The following STKLD1 variants were observed in gnomAD, a reference collection of about 807,000 sequenced individuals.
The protein encoded by STKLD1 is serine/threonine kinase like domain containing 1, also known as serine/threonine kinase-like domain-containing protein STKLD1.
Under a neutral mutation model 80.4 loss-of-function variants are expected in STKLD1, and 79 were observed. The ratio of observed to expected loss-of-function variants is 0.98; its 90% CI spans 0.82 to 1.19. STKLD1 has a LOEUF of 1.19. Ranked by LOEUF, STKLD1 falls within the 50% of genes most tolerant of loss-of-function variation. The pLI is 0.00. For missense variants in STKLD1, 841 were observed against 856.0 expected, an observed-to-expected ratio of 0.98 and a Z score of 0.22; for synonymous variants, 393 against 357.6, an observed-to-expected ratio of 1.10 and a Z score of -1.12.
chr9:133,403,137 G>A (rs782131483), intron 14 of STKLD1, 125 bp downstream of exon 14: 16 of 1,007,934 alleles, frequency 1.6e-5, no homozygotes, highest in South Asian at 3.8e-5. Context: ...GCCATAGTCC[G>A]GGAAAGGCTC....
rs2130279606 is a variant in STKLD1 at position 133,387,449 on chromosome 9, C to T, written c.297C>T (p.Ile99=). 9.3e-6 allele frequency: 15 copies of T among 1,613,564 alleles called. No homozygotes were observed. In the African/African-American group the frequency reaches 9.3e-5, roughly 10 times the overall value. The change falls in exon 5 of 18, where the codon ATC becomes ATT. Residue 99 remains isoleucine, a splice_region_variant and synonymous_variant. Transcript: ENST00000371957. ...CTAAGGGCCTCCTGTCCCAGCAGAT[C>T]TCTTCTCTGTACCTCTGCCTGGTGA... ...QELFITWNGE[I]SSLYLCLVME...
intron 9 of STKLD1, among the ~76,000 whole-genome samples, chr9:133,396,456 T>C (rs1260164964): frequency 6.8e-6 from 1 of 147,806 alleles, no homozygotes; most frequent in Non-Finnish European, 1.5e-5. Flanking sequence ...AACAAAAACA[T>C]ATAACAAAGA....
intron 7 of STKLD1, among the ~76,000 whole-genome samples, chr9:133,391,817 G>A (rs1211674632): frequency 2.0e-5 from 3 of 149,748 alleles, no homozygotes; most frequent in Non-Finnish European, 4.4e-5. Flanking sequence ...CCCCCTCTGC[G>A]AGAAACACCC....
chr9:133,383,813 T>C (rs1167765653), intron 2 of STKLD1, 43 bp from the exon 3 acceptor site: 1 of 1,603,570 alleles, frequency 6.2e-7, no homozygotes, highest in Middle Eastern at 1.7e-4. Context: ...ACGGAGATGA[T>C]TTGCTACATG....
At position 133,394,446 on chromosome 9, in the gene STKLD1, T is replaced by G; in HGVS notation, c.702+37T>G. On this transcript the variant is annotated intron_variant, in intron 8 of 17. Coordinates refer to ENST00000371957, the MANE Select transcript of STKLD1 (RefSeq NM_153710.5). This position sits in a 1 kb window ranked among gnomAD's most constrained non-coding sequence, Gnocchi z 4.9. ...TCCCTCCCCCACACCCCACATGCTG[T>G]TCCCCACGCGCCCAGGCCTGGGGAA... 12 of 1,452,152 alleles carry G rather than the reference T, an allele frequency of 8.3e-6. No individual in the cohort carries two copies. The highest frequency in any genetic ancestry group is 1.2e-5 in the Non-Finnish European group (12 of 1,034,624). 90.0% of individuals were successfully genotyped at this position (1,452,152 alleles called of 1,614,324 possible).
chr9:133,399,386 T>TA (rs1446707826), intron 11 of STKLD1, among the ~76,000 whole-genome samples: 8 of 152,064 alleles, frequency 5.3e-5, no homozygotes, highest in African/African-American at 1.9e-4. Flanking sequence ...AGAGGCCTCA[T>TA]ATGGGCCTAA....
Position 133,405,448 on chromosome 9 carries a change from T to G in STKLD1, c.*27T>G. 1 of 1,572,438 alleles carries G rather than the reference T, an allele frequency of 6.4e-7. No homozygotes were observed. Among genetic ancestry groups the G allele is most frequent in the Non-Finnish European group, 8.6e-7 (1 of 1,163,686 alleles). ...TGTTTGTATGGAACTGACCTTGATC[T>G]CCACGTGTATAGTTTTCAAGACTGC... On this transcript the variant is annotated 3_prime_UTR_variant, in exon 18 of 18. Coordinates refer to ENST00000371957, the MANE Select transcript of STKLD1 (RefSeq NM_153710.5).
In STKLD1 at chr9:133,390,559, C is replaced by T; in HGVS notation, c.468-122C>T. ...AGGATGTGGGCTGCTGCTGCAGAAC[C>T]AGGTGGGGCAGGGAGCAGAGAGTCA... On this transcript the variant is annotated intron_variant, in intron 6 of 17. Coordinates refer to ENST00000371957, the MANE Select transcript of STKLD1 (RefSeq NM_153710.5). This position sits in a 1 kb window ranked among gnomAD's most constrained non-coding sequence, Gnocchi z 5.1. 1.4e-6 allele frequency: 1 copy of T among 692,264 alleles called. No homozygotes were observed. The highest frequency in any genetic ancestry group is 2.6e-5 in the East Asian group (1 of 38,820). 42.9% of individuals were successfully genotyped at this position (692,264 alleles called of 1,614,324 possible).
chr9:133,385,730 C>CAGT lies in STKLD1; in HGVS notation c.294+40_294+42dup. 6.3e-7 allele frequency: 1 copy of CAGT among 1,586,304 alleles called. No individual in the cohort carries two copies. Among genetic ancestry groups the CAGT allele is most frequent in the Non-Finnish European group, 8.6e-7 (1 of 1,156,676 alleles). ...GACACCTACGGGCTCAGCCGCCACG[C>CAGT]AGTGGGCTGCAGGACCAAGCAGACT... On this transcript the variant is annotated intron_variant, in intron 4 of 17. Coordinates refer to ENST00000371957, the MANE Select transcript of STKLD1 (RefSeq NM_153710.5). The surrounding 1 kb of genome is among the most constrained non-coding windows in gnomAD (Gnocchi z 4.9).
intron 1 of STKLD1, among the ~76,000 whole-genome samples, chr9:133,377,688 C>T (rs1838024219): frequency 6.6e-6 from 1 of 152,086 alleles, no homozygotes; most frequent in Non-Finnish European, 1.5e-5. Context: ...AAATAGCAGT[C>T]CCCAACCTTT....
At chr9:133,391,243 G>T (rs1243171916) in intron 7 of STKLD1, among the ~76,000 whole-genome samples, 3 of 148,898 alleles carry the variant, frequency 2.0e-5, no homozygotes, top group Non-Finnish European at 4.5e-5. Context: ...AGGTGGGGGG[G>T]TCAGCCCCCC....
At chr9:133,377,644 C>T (rs1838021653) in intron 1 of STKLD1, among the ~76,000 whole-genome samples, 1 of 151,524 alleles carries the variant, frequency 6.6e-6, no homozygotes, top group Admixed American at 6.6e-5. Context: ...GCCTGGGCAA[C>T]AAGAGCAAAA....
intron 1 of STKLD1, among the ~76,000 whole-genome samples, chr9:133,378,613 G>C (rs988057905): frequency 6.6e-6 from 1 of 152,256 alleles, no homozygotes; most frequent in African/African-American, 2.4e-5. Flanking sequence ...CACCATGCCA[G>C]GCACACAATG....
intron 8 of STKLD1, 62 bp from the exon 9 acceptor site, chr9:133,395,538 A>C: frequency 6.4e-7 from 1 of 1,555,610 alleles, no homozygotes; most frequent in Non-Finnish European, 8.7e-7. Context: ...TCCCCTGCCC[A>C]TGCTGGGACC....
Position 133,389,130 on chromosome 9 carries a change from T to C in STKLD1, c.397-396T>C. ...TCTCTCAGGGCTCTTTTCATTTGAATGACCTAGAGGATTGAGCTCATGTAG... is the reference window on the plus strand; with the variant it reads ...TCTCTCAGGGCTCTTTTCATTTGAACGACCTAGAGGATTGAGCTCATGTAG... On this transcript the variant is annotated intron_variant, in intron 5 of 17. Coordinates refer to ENST00000371957, the MANE Select transcript of STKLD1 (RefSeq NM_153710.5). The surrounding 1 kb of genome is among the most constrained non-coding windows in gnomAD (Gnocchi z 6.4). The C allele has an allele frequency of 1.0e-6, 1 of 985,400 alleles. No homozygotes were observed. The highest frequency in any genetic ancestry group is 1.7e-5 in the African/African-American group (1 of 57,342). 61.0% of individuals were successfully genotyped at this position (985,400 alleles called of 1,614,324 possible).
chr9:133,386,341 G>A (rs2130277358), intron 4 of STKLD1, among the ~76,000 whole-genome samples: 5 of 152,226 alleles, frequency 3.3e-5, no homozygotes, highest in South Asian at 2.1e-4. Flanking sequence ...CCTGACTCCC[G>A]GGCTCTGCAC....
At chr9:133,397,396 GCCTT>G in intron 10 of STKLD1, 102 bp downstream of exon 10, 1 of 1,495,836 alleles carries the variant, frequency 6.7e-7, no homozygotes, top group South Asian at 1.2e-5. Flanking sequence ...TATGCCCCTG[GCCTT>G]GCTCCACATG....
chr9:133,403,398 CT>C (rs1838760278), intron 14 of STKLD1, among the ~76,000 whole-genome samples: 2 of 152,178 alleles, frequency 1.3e-5, no homozygotes, highest in African/African-American at 4.8e-5. Flanking sequence ...AGGGGGCCCC[CT>C]GGCCTGTGCT....
chr9:133,397,059 G>C, intron 9 of STKLD1, 105 bp from the exon 10 acceptor site: 1 of 1,518,244 alleles, frequency 6.6e-7, no homozygotes. Context: ...AGTGTCCAGT[G>C]TCCGCACCAA....
Sources: gnomAD v4.1 joint callset for allele counts (sites outside exome capture counted in the v4.1 genomes callset) on GRCh38, gnomAD v4.1.1 for gene constraint, Gnocchi (gnomAD v3.1) non-coding constraint, MANE v1.5 for transcripts, NCBI Gene and HGNC (gene_info 2026-07-23, HGNC 2026-07-21) for gene names.